Variants in KCNK1 observed in about 807,000 individuals in gnomAD.
The protein encoded by KCNK1 is potassium channel subfamily K member 1.
KCNK1 carries 10 observed loss-of-function variants against 22.2 expected under a neutral mutation model. The observed-to-expected ratio is 0.45, with a 90% CI of 0.28 to 0.76. The LOEUF (loss-of-function observed/expected upper bound fraction) is 0.76, where lower values mean the gene tolerates loss of function less well. Among genes scored for constraint, KCNK1 ranks in the 30% least tolerant of loss-of-function variants. The pLI is 0.14. For synonymous variants in KCNK1, 200 were observed against 186.4 expected (o/e 1.07, Z -0.60); for missense variants, 378 against 421.0 (o/e 0.90, Z 0.89).
intron 1 of KCNK1, among the ~76,000 whole-genome samples, chr1:233,643,877 T>C (rs1658044466): frequency 6.6e-6 from 1 of 152,080 alleles, no homozygotes; most frequent in African/African-American, 2.4e-5. Context: ...AAAAATGGCA[T>C]AACAAGACAA....
At chr1:233,645,919 A>G (rs976630055) in intron 1 of KCNK1, among the ~76,000 whole-genome samples, 1 of 152,042 alleles carries the variant, frequency 6.6e-6, no homozygotes, top group African/African-American at 2.4e-5. Flanking sequence ...CAAGGGAAAG[A>G]AAAAAAAGCT....
intron 1 of KCNK1, among the ~76,000 whole-genome samples, chr1:233,658,493 A>C (rs896073724): frequency 3.9e-5 from 6 of 152,224 alleles, no homozygotes; most frequent in African/African-American, 1.4e-4. Context: ...ATCATCTAAC[A>C]AAAACAGTTC....
At chr1:233,660,575 G>A (rs985298275) in intron 1 of KCNK1, 2 of 152,150 alleles carry the variant, frequency 1.3e-5, no homozygotes, top group Admixed American at 1.3e-4. Flanking sequence ...TTATGCCTAC[G>A]TTCTCGGACC....
intron 1 of KCNK1, among the ~76,000 whole-genome samples, chr1:233,665,111 C>G (rs748146341): frequency 2.9e-4 from 44 of 152,148 alleles, no homozygotes; most frequent in Non-Finnish European, 2.2e-4. Flanking sequence ...ACATGTGTTT[C>G]AACCACTGGT....
intron 1 of KCNK1, among the ~76,000 whole-genome samples, chr1:233,665,114 C>T (rs1658466644): frequency 6.6e-6 from 1 of 152,152 alleles, no homozygotes; most frequent in Non-Finnish European, 1.5e-5. Flanking sequence ...TGTGTTTCAA[C>T]CACTGGTCCT....
rs375032821 is a variant in KCNK1, at chr1:233,658,225, A to C, written c.356-8370A>C. On this transcript the variant is annotated intron_variant, in intron 1 of 2. Coordinates refer to ENST00000366621, the MANE Select transcript of KCNK1 (RefSeq NM_002245.4). The stretch of plus-strand genomic sequence containing the variant: ...AGAAACCATACAGAAATGGGACAAC[A>C]GGGATCCATTAGAGTTGGATATCAT... 2.0e-5 allele frequency among the ~76,000 whole-genome samples: 3 copies of C among 152,208 alleles called. No individual in the cohort carries two copies. The South Asian group carries it at 6.2e-4, about 31-fold the overall frequency.
chr1:233,649,038 A>G (rs1658153228), intron 1 of KCNK1, among the ~76,000 whole-genome samples: 1 of 152,240 alleles, frequency 6.6e-6, no homozygotes, highest in African/African-American at 2.4e-5. Context: ...GGATTGAGCC[A>G]TAACCTAGAG....
chr1:233,663,755 G>A (rs1165170985), intron 1 of KCNK1, among the ~76,000 whole-genome samples: 1 of 151,984 alleles, frequency 6.6e-6, no homozygotes, highest in Non-Finnish European at 1.5e-5. Flanking sequence ...GGTCATGTGA[G>A]CACTGTTGTT....
intron 1 of KCNK1, among the ~76,000 whole-genome samples, chr1:233,664,308 A>AT (rs1431212097): frequency 2.6e-5 from 4 of 151,080 alleles, no homozygotes; most frequent in African/African-American, 2.4e-5. Flanking sequence ...TCCTTCACAT[A>AT]TTTTTTTTTC....
chr1:233,667,033 T>TTTTA (rs148162946), intron 2 of KCNK1, 43 bp downstream of exon 2: 42,285 of 1,322,552 alleles, frequency 0.032, 872 homozygotes, highest in African/African-American at 0.082. Flanking sequence ...GTCTCCTTTA[T>TTTTA]TTTATTTATT....
At chr1:233,615,046 G>A (rs1657463011) in intron 1 of KCNK1, among the ~76,000 whole-genome samples, 2 of 152,224 alleles carry the variant, frequency 1.3e-5, no homozygotes. Context: ...TCCGGAGTGT[G>A]CCGTCCCTTT....
At chr1:233,615,999 A>G (rs1333736871) in intron 1 of KCNK1, among the ~76,000 whole-genome samples, 1 of 152,234 alleles carries the variant, frequency 6.6e-6, no homozygotes, top group African/African-American at 2.4e-5. Flanking sequence ...CACTTTCCAA[A>G]GAATGCCTGT....
At chr1:233,639,483 T>C (rs1657966852) in intron 1 of KCNK1, among the ~76,000 whole-genome samples, 1 of 152,238 alleles carries the variant, frequency 6.6e-6, no homozygotes, top group Non-Finnish European at 1.5e-5. Context: ...CCTAATTGAA[T>C]CCATTTTTCC....
intron 1 of KCNK1, among the ~76,000 whole-genome samples, chr1:233,627,129 A>C (rs1657702569): frequency 6.6e-6 from 1 of 152,190 alleles, no homozygotes; most frequent in Non-Finnish European, 1.5e-5. Flanking sequence ...TCAGAAAAAC[A>C]CCTGAGTGAT....
intron 1 of KCNK1, among the ~76,000 whole-genome samples, chr1:233,642,077 T>C (rs937249667): frequency 6.9e-6 from 1 of 145,012 alleles, no homozygotes; most frequent in Non-Finnish European, 1.6e-5. Flanking sequence ...GTCTCCTGTT[T>C]TTAGGCAAAC....
chr1:233,668,827 G>A (rs1295558533), intron 2 of KCNK1, among the ~76,000 whole-genome samples: 1 of 152,108 alleles, frequency 6.6e-6, no homozygotes, highest in Non-Finnish European at 1.5e-5. Flanking sequence ...GGCTAGTCAC[G>A]AACTCCTGAC....
In KCNK1 at chr1:233,614,501, C is replaced by T. The variant is rs771178503; in HGVS notation, c.330C>T (p.Phe110=). The change falls in exon 1 of 3, where the codon TTC becomes TTT. Residue 110 remains phenylalanine (F), a synonymous_variant. Coordinates refer to ENST00000366621, the MANE Select transcript of KCNK1 (RefSeq NM_002245.4). The part of the protein sequence containing the change: ...WNWDFTSALF[F]ASTVLSTTGY... ...GGGACTTCACCTCCGCGCTCTTCTT[C>T]GCCAGCACCGTGCTCTCCACCACAG... The T allele has an allele frequency of 3.7e-6, 6 of 1,605,856 alleles. No individual in the cohort carries two copies. The highest frequency in any genetic ancestry group is 3.4e-6 in the Non-Finnish European group (4 of 1,176,170).
At chr1:233,636,920 G>A (rs1306619364) in intron 1 of KCNK1, among the ~76,000 whole-genome samples, 2 of 152,166 alleles carry the variant, frequency 1.3e-5, no homozygotes, top group East Asian at 3.9e-4. Context: ...GATGGGGCCA[G>A]GTGTGGTGGC....
chr1:233,656,991 C>A (rs978136821), intron 1 of KCNK1, among the ~76,000 whole-genome samples: 1 of 152,122 alleles, frequency 6.6e-6, no homozygotes, highest in Non-Finnish European at 1.5e-5. Flanking sequence ...TATACTCTGT[C>A]AGAGAATTAG....
Sources: gnomAD v4.1 joint callset for allele counts (sites outside exome capture counted in the v4.1 genomes callset) on GRCh38, gnomAD v4.1.1 for gene constraint, MANE v1.5 for transcripts, NCBI Gene and HGNC (gene_info 2026-07-23, HGNC 2026-07-21) for gene names.